Variants in POLR1G observed in about 807,000 individuals in gnomAD.
POLR1G encodes the protein RNA polymerase I subunit G.
In POLR1G, 9 loss-of-function variants were observed where a neutral mutation model predicts 6.3. The ratio of observed to expected loss-of-function variants is 1.44; its 90% CI spans 0.87 to 2.51. POLR1G has a LOEUF of 2.51. POLR1G is among the 30% of genes most tolerant of loss of function. POLR1G has a pLI of 0.00. For synonymous variants in POLR1G, 248 were observed against 256.5 expected (o/e 0.97, Z 0.32); for missense variants, 617 against 632.5 (o/e 0.98, Z 0.26).
At position 45,408,653 on chromosome 19, in the gene POLR1G, C is replaced by T. The variant is rs147330482; in HGVS notation, c.685C>T (p.Pro229Ser). Residue 229 changes from proline (P) to serine (S), a missense_variant, in exon 3 of 3, where the codon CCT becomes TCT. By Grantham distance (74) the Pro-to-Ser change is moderately conservative. Transcript: ENST00000309424. The part of the protein sequence containing the change: ...QQLKEPEAAG[P>S]VGTEPTVETL... ...GCTGAAAGAACCAGAGGCAGCAGGG[C>T]CTGTGGGGACAGAGCCCACAGTGGA... The T allele has an allele frequency of 5.2e-5, 84 of 1,613,654 alleles. No individual in the cohort carries two copies. The African/African-American group carries it at 1.0e-3, about 20-fold the overall frequency.
At position 45,409,521 on chromosome 19, in the gene POLR1G, G is replaced by A. The variant is rs1355076475; in HGVS notation, c.*20G>A. The A allele has an allele frequency of 6.3e-7, 1 of 1,589,946 alleles. No individual in the cohort carries two copies. The highest frequency in any genetic ancestry group is 2.3e-5 in the East Asian group (1 of 43,854). ...GTGTAGTCTGCCCCCGGGAAACTGA[G>A]GAACTAAAGAAAGCTGAAGGTGCCC... On this transcript the variant is annotated 3_prime_UTR_variant, in exon 3 of 3. Coordinates refer to ENST00000309424, the MANE Select transcript of POLR1G (RefSeq NM_012099.3).
At position 45,408,881 on chromosome 19, in the gene POLR1G, G is replaced by C. The variant is rs895475604; in HGVS notation, c.913G>C (p.Val305Leu). Residue 305 changes from valine to leucine, a missense_variant, in exon 3 of 3, where the codon GTG becomes CTG. Val to Leu is a conservative substitution (Grantham distance 32). Transcript: ENST00000309424. ...GTEGMEPEEG[V>L]TVESQPQVKV... ...GGAAGGGATGGAGCCAGAGGAGGGG[G>C]TGACAGTTGAGTCTCAGCCACAGGT... The C allele has an allele frequency of 1.2e-6, 2 of 1,614,184 alleles. No individual in the cohort carries two copies. Among genetic ancestry groups the C allele is most frequent in the Non-Finnish European group, 8.5e-7 (1 of 1,180,032 alleles).
rs772550576 is a variant in POLR1G at position 45,408,852 on chromosome 19, G to A, written c.884G>A (p.Gly295Glu). ...ACCAAAAAGAGAAAGAGGCAAAAGGGGACGGAAGGGATGGAGCCAGAGGAG... is the reference window on the plus strand; with the variant it reads ...ACCAAAAAGAGAAAGAGGCAAAAGGAGACGGAAGGGATGGAGCCAGAGGAG... ...SPTKKRKRQK[G>E]TEGMEPEEGV... The change falls in exon 3 of 3, where the codon GGG becomes GAG. Residue 295 changes from glycine (G) to glutamate (E), a missense_variant. Gly to Glu is a moderately conservative substitution (Grantham distance 98). Coordinates refer to ENST00000309424, the MANE Select transcript of POLR1G (RefSeq NM_012099.3). 1.2e-6 allele frequency: 2 copies of A among 1,614,156 alleles called. No homozygotes were observed. Among genetic ancestry groups the A allele is most frequent in the South Asian group, 1.1e-5 (1 of 91,086 alleles).
In POLR1G at chr19:45,408,499, G is replaced by C; in HGVS notation, c.531G>C (p.Lys177Asn). 1 of 1,614,038 alleles carries C rather than the reference G, an allele frequency of 6.2e-7. No individual in the cohort carries two copies. Among genetic ancestry groups the C allele is most frequent in the Non-Finnish European group, 8.5e-7 (1 of 1,179,986 alleles). Residue 177 changes from lysine (K) to asparagine (N), a missense_variant, in exon 3 of 3, where the codon AAG becomes AAC. Transcript: ENST00000309424. ...TGCTCACCTCAGGGAAGAAGAAAAA[G>C]GAGATGCAGGTGACAGAGGCCCCAG... Reference protein sequence around the residue: ...PNLLTSGKKKKEMQVTEAPVT... With the variant: ...PNLLTSGKKKNEMQVTEAPVT...
At chr19:45,407,993 G>A in intron 2 of POLR1G, 140 bp from the exon 3 acceptor site, 1 of 1,113,384 alleles carries the variant, frequency 9.0e-7, no homozygotes, top group Non-Finnish European at 1.2e-6. Flanking sequence ...GGTGGACATT[G>A]CAGTGAGCCG....
intron 2 of POLR1G, 140 bp downstream of exon 2, chr19:45,407,375 A>AG: frequency 5.4e-6 from 4 of 737,402 alleles, no homozygotes; most frequent in Non-Finnish European, 8.7e-6. Flanking sequence ...ACTCCTTTAC[A>AG]GAGTAGAGTG....
At chr19:45,408,108 C>G (rs948432392) in intron 2 of POLR1G, 25 bp from the exon 3 acceptor site, 1 of 1,567,940 alleles carries the variant, frequency 6.4e-7, no homozygotes, top group Admixed American at 1.9e-5. Context: ...ACTTAAGCCT[C>G]TGCCCTCCCT....
Position 45,407,221 on chromosome 19 carries a change from CTT to C in POLR1G, c.152_153del (p.Phe51CysfsTer68). On this transcript the variant is annotated frameshift_variant, in exon 2 of 3. Coordinates refer to ENST00000309424, the MANE Select transcript of POLR1G (RefSeq NM_012099.3). LOFTEE classifies it low-confidence loss of function (END_TRUNC). ...ELWLIQAPADFAPECFNGRHV... is the reference protein window; with the variant it reads ...ELWLIQAPADXAPECFNGRHV... ...TGTGGCTTATTCAGGCCCCTGCAGA[CTT>C]TGCCCCAGAATGGTGAGTGGTCTTG... The C allele has an allele frequency of 2.5e-6, 4 of 1,611,958 alleles. No individual in the cohort carries two copies. The highest frequency in any genetic ancestry group is 3.4e-6 in the Non-Finnish European group (4 of 1,179,412).
At position 45,408,933 on chromosome 19, in the gene POLR1G, T is replaced by A. The variant is rs1973513390; in HGVS notation, c.965T>A (p.Ile322Asn). ...AAGGTGGAGCCACTGGAGGAAGCCA[T>A]CCCTCTGCCCCCTACGAAGAAGAGG... ...QVKVEPLEEAIPLPPTKKRKK... is the reference protein window; with the variant it reads ...QVKVEPLEEANPLPPTKKRKK... The change falls in exon 3 of 3, where the codon ATC becomes AAC. Residue 322 changes from isoleucine to asparagine, a missense_variant. Physicochemically the swap from Ile to Asn is moderately radical, Grantham distance 149. Coordinates refer to ENST00000309424, the MANE Select transcript of POLR1G (RefSeq NM_012099.3). 1 of 1,613,578 alleles carries A rather than the reference T, an allele frequency of 6.2e-7. No homozygotes were observed. The highest frequency in any genetic ancestry group is 1.3e-5 in the African/African-American group (1 of 74,728).
In POLR1G at chr19:45,409,129, G is replaced by C. The variant is rs772941647; in HGVS notation, c.1161G>C (p.Thr387=). The change falls in exon 3 of 3, where the codon ACG becomes ACC. Residue 387 remains threonine (T), a synonymous_variant. Coordinates refer to ENST00000309424, the MANE Select transcript of POLR1G (RefSeq NM_012099.3). ...CTCTGGCAGCTCCCAAAAAGAAGAC[G>C]AAGAAAGAAAAACAGCAAGATGCCA... The part of the protein sequence containing the change: ...QAALAAPKKK[T]KKEKQQDATV... The C allele has an allele frequency of 6.2e-7, 1 of 1,613,162 alleles. No homozygotes were observed. Among genetic ancestry groups the C allele is most frequent in the African/African-American group, 1.3e-5 (1 of 74,980 alleles).
rs773713680 is a variant in POLR1G, at chr19:45,409,753, A to G, written c.*252A>G. 4 of 779,104 alleles carry G rather than the reference A, an allele frequency of 5.1e-6. No individual in the cohort carries two copies. The East Asian group carries it at 9.7e-5, about 19-fold the overall frequency. 48.3% of individuals were successfully genotyped at this position (779,104 alleles called of 1,614,324 possible). A position where few individuals can be genotyped will look rare whatever the true frequency, so the allele number is the denominator to read the frequency against. ...GGATGGGAGGGAGAAAAAAATGAGGAACCAGTCATTAAAGGAGCTGTTTCC... is the reference window on the plus strand; with the variant it reads ...GGATGGGAGGGAGAAAAAAATGAGGGACCAGTCATTAAAGGAGCTGTTTCC... On this transcript the variant is annotated 3_prime_UTR_variant, in exon 3 of 3. Transcript: ENST00000309424.
At position 45,406,890 on chromosome 19, in the gene POLR1G, G is replaced by A. The variant is rs1401747431; in HGVS notation, c.22+172G>A. On this transcript the variant is annotated intron_variant, in intron 1 of 2. Coordinates refer to ENST00000309424, the MANE Select transcript of POLR1G (RefSeq NM_012099.3). This position sits in a 1 kb window ranked among gnomAD's most constrained non-coding sequence, Gnocchi z 4.2. ...CGGAGAGAGGGTTATCTTGTGGGGG[G>A]CTACCCGTGGAGAGCAAGGCGCCCC... 14 of 956,214 alleles carry A rather than the reference G, an allele frequency of 1.5e-5. No homozygotes were observed. Among genetic ancestry groups the A allele is most frequent in the South Asian group, 1.8e-5 (1 of 55,948 alleles). 59.2% of individuals were successfully genotyped at this position (956,214 alleles called of 1,614,324 possible). A position where few individuals can be genotyped will look rare whatever the true frequency, so the allele number is the denominator to read the frequency against.
chr19:45,406,688 G>C lies in POLR1G; in HGVS notation c.-9G>C, dbSNP rs35505637. 6,795 of 1,543,704 alleles carry C rather than the reference G, an allele frequency of 4.4e-3. 230 individuals are homozygous for C. In the African/African-American group the frequency reaches 0.074, roughly 17 times the overall value. On this transcript the variant is annotated 5_prime_UTR_variant, in exon 1 of 3. Coordinates refer to ENST00000309424, the MANE Select transcript of POLR1G (RefSeq NM_012099.3). The surrounding 1 kb of genome is among the most constrained non-coding windows in gnomAD (Gnocchi z 4.2). ...GGGCTACAGGGTTGCCTGAGGTGTG[G>C]GTCCCAGGATGGAGGAGCCCCAGGC...
At chr19:45,407,321 G>C in intron 2 of POLR1G, 86 bp downstream of exon 2, 1 of 1,293,918 alleles carries the variant, frequency 7.7e-7, no homozygotes, top group Non-Finnish European at 1.1e-6. Flanking sequence ...AGAATTAGAG[G>C]TGAGTCACAG....
chr19:45,409,709 T>C lies in POLR1G; in HGVS notation c.*208T>C, dbSNP rs1294107546. On this transcript the variant is annotated 3_prime_UTR_variant, in exon 3 of 3. Transcript: ENST00000309424. ...TTTCAAGAAGGGCTCGTGCAGGACA[T>C]CAAACAGCCTCCGGGCCTGGATGGG... 2 of 884,104 alleles carry C rather than the reference T, an allele frequency of 2.3e-6. No homozygotes were observed. 54.8% of individuals were successfully genotyped at this position (884,104 alleles called of 1,614,324 possible). A position where few individuals can be genotyped will look rare whatever the true frequency, so the allele number is the denominator to read the frequency against.
rs997264148 is a variant in POLR1G, at chr19:45,408,442, C to T, written c.474C>T (p.Val158=). Residue 158 remains valine, a synonymous_variant, in exon 3 of 3, where the codon GTC becomes GTT. Transcript: ENST00000309424. The part of the protein sequence containing the change: ...RFCAFGGNPP[V]TGPRSALAPN... Reference sequence around the variant, plus strand: ...GTGCCTTTGGGGGCAACCCACCAGTCACAGGGCCTAGGTCAGCCTTGGCCC... The same window carrying T: ...GTGCCTTTGGGGGCAACCCACCAGTTACAGGGCCTAGGTCAGCCTTGGCCC... The T allele has an allele frequency of 1.2e-6, 2 of 1,613,712 alleles. No individual in the cohort carries two copies. Among genetic ancestry groups the T allele is most frequent in the Non-Finnish European group, 1.7e-6 (2 of 1,179,928 alleles).
In POLR1G at chr19:45,408,454, G is replaced by A. The variant is rs1217006246; in HGVS notation, c.486G>A (p.Arg162=). Residue 162 remains arginine, a synonymous_variant, in exon 3 of 3, where the codon AGG becomes AGA. Coordinates refer to ENST00000309424, the MANE Select transcript of POLR1G (RefSeq NM_012099.3). ...FGGNPPVTGP[R]SALAPNLLTS... ...GCAACCCACCAGTCACAGGGCCTAG[G>A]TCAGCCTTGGCCCCCAACCTGCTCA... 2 of 1,613,958 alleles carry A rather than the reference G, an allele frequency of 1.2e-6. No individual in the cohort carries two copies. The highest frequency in any genetic ancestry group is 2.2e-5 in the East Asian group (1 of 44,876).
In POLR1G at chr19:45,409,695, G is replaced by T. The variant is rs1209829492; in HGVS notation, c.*194G>T. The T allele has an allele frequency of 3.8e-5, 38 of 990,960 alleles. No homozygotes were observed. The Admixed American group carries it at 6.4e-4, about 17-fold the overall frequency. 61.4% of individuals were successfully genotyped at this position (990,960 alleles called of 1,614,324 possible). ...GGTCATCAGGGTACTTTCAAGAAGG[G>T]CTCGTGCAGGACATCAAACAGCCTC... On this transcript the variant is annotated 3_prime_UTR_variant, in exon 3 of 3. Transcript: ENST00000309424.
intron 2 of POLR1G, 27 bp from the exon 3 acceptor site, chr19:45,408,106 C>T: frequency 6.4e-7 from 1 of 1,566,772 alleles, no homozygotes. Flanking sequence ...CCACTTAAGC[C>T]TCTGCCCTCC....
Sources: allele counts gnomAD v4.1 joint callset, GRCh38; gene constraint gnomAD v4.1.1; non-coding constraint Gnocchi (gnomAD v3.1); transcripts MANE v1.5; gene names NCBI Gene and HGNC (gene_info 2026-07-23, HGNC 2026-07-21).